NOP9: variants seen among roughly 807,000 people sequenced by gnomAD.
The protein encoded by NOP9 is nucleolar protein 9.
In NOP9, 50 loss-of-function variants were observed where a neutral mutation model predicts 63.0. The ratio of observed to expected loss-of-function variants is 0.79; its 90% CI spans 0.63 to 1.00. The LOEUF is 1.00. NOP9 is among the 50% of genes least tolerant of loss of function. NOP9 has a pLI of 0.00. For synonymous variants in NOP9, 343 were observed against 332.8 expected (o/e 1.03, Z -0.33); for missense variants, 758 against 803.0 (o/e 0.94, Z 0.68).
the NOP9 span, among the ~76,000 whole-genome samples, chr14:24,273,249 G>A: frequency 4.1e-5 from 6 of 147,796 alleles, no homozygotes; most frequent in Non-Finnish European, 8.9e-5. Context: ...CACGATCTCT[G>A]CTTACTGCAA....
Position 24,307,397 on chromosome 14 carries a change from C to T in NOP9, c.*2302C>T. 6.2e-7 allele frequency: 1 copy of T among 1,613,794 alleles called. No individual in the cohort carries two copies. The highest frequency in any genetic ancestry group is 8.5e-7 in the Non-Finnish European group (1 of 1,179,816). On this transcript the variant is annotated 3_prime_UTR_variant, in exon 10 of 10. Coordinates refer to ENST00000267425, the MANE Select transcript of NOP9 (RefSeq NM_174913.3). Reference sequence around the variant, plus strand: ...TTGGCTAGCAGCTCCTGGCGGGTGGCAGCTGTCAGGCCTTTCCGGATGGTC... The same window carrying T: ...TTGGCTAGCAGCTCCTGGCGGGTGGTAGCTGTCAGGCCTTTCCGGATGGTC...
the NOP9 span, among the ~76,000 whole-genome samples, chr14:24,272,211 C>T: frequency 1.1e-4 from 16 of 152,220 alleles, no homozygotes; most frequent in Non-Finnish European, 1.5e-5. Context: ...TTAATTACTA[C>T]CTGTAAATTG....
chr14:24,307,342 A>G lies in NOP9; in HGVS notation c.*2247A>G, dbSNP rs1329593302. On this transcript the variant is annotated 3_prime_UTR_variant, in exon 10 of 10. Coordinates refer to ENST00000267425, the MANE Select transcript of NOP9 (RefSeq NM_174913.3). ...GTGGAGCCCCTTGGCTACCCCTGCT[A>G]TAGGAACCGAGGAACTTGGCCTACT... 5 of 1,600,562 alleles carry G rather than the reference A, an allele frequency of 3.1e-6. No homozygotes were observed. In the South Asian group the frequency reaches 4.5e-5, roughly 14 times the overall value.
chr14:24,305,979 G>C lies in NOP9; in HGVS notation c.*884G>C, dbSNP rs1445850573. 1 of 1,614,020 alleles carries C rather than the reference G, an allele frequency of 6.2e-7. No homozygotes were observed. The highest frequency in any genetic ancestry group is 8.5e-7 in the Non-Finnish European group (1 of 1,180,012). On this transcript the variant is annotated 3_prime_UTR_variant, in exon 10 of 10. Coordinates refer to ENST00000267425, the MANE Select transcript of NOP9 (RefSeq NM_174913.3). Reference sequence around the variant, plus strand: ...CTTTCTTTGGGCCAAGTCCTTGAAAGTCACAACTCATAGAGTAGAGCCCGT... The same window carrying C: ...CTTTCTTTGGGCCAAGTCCTTGAAACTCACAACTCATAGAGTAGAGCCCGT...
At chr14:24,295,237 T>C (rs2041229972), upstream of NOP9, among the ~76,000 whole-genome samples, 3 of 152,134 alleles carry the variant, frequency 2.0e-5, no homozygotes, top group South Asian at 6.2e-4. Flanking sequence ...CTATTAATAG[T>C]AGCTATATAT....
At chr14:24,296,228 G>A (rs989041737), upstream of NOP9, among the ~76,000 whole-genome samples, 1 of 152,228 alleles carries the variant, frequency 6.6e-6, no homozygotes, top group African/African-American at 2.4e-5. Context: ...AGAGGAGGAG[G>A]CTTCCTCCCT....
Position 24,305,463 on chromosome 14 carries a change from G to C in NOP9, c.*368G>C. 2.6e-6 allele frequency: 2 copies of C among 767,578 alleles called. No individual in the cohort carries two copies. Among genetic ancestry groups the C allele is most frequent in the Non-Finnish European group, 4.1e-6 (2 of 488,040 alleles). The allele number at this position is 767,578 out of a possible 1,614,324, so 47.5% of individuals were successfully genotyped here. ...TTCTTCAGGTAAGGGTATAGACTTG[G>C]GATGTGAGGCGTTATGCTGAAAGGT... On this transcript the variant is annotated 3_prime_UTR_variant, in exon 10 of 10. Coordinates refer to ENST00000267425, the MANE Select transcript of NOP9 (RefSeq NM_174913.3).
At chr14:24,291,977 T>C in the NOP9 span, 1 of 675,314 alleles carries the variant, frequency 1.5e-6, no homozygotes, top group African/African-American at 1.8e-5. Flanking sequence ...TCAACAAGTT[T>C]CTAAACCTCT....
Position 24,307,757 on chromosome 14 carries a change from G to C in NOP9, c.*2662G>C. On this transcript the variant is annotated 3_prime_UTR_variant, in exon 10 of 10. Transcript: ENST00000267425. ...GTTAGTCTCCTAGGGGCTGAGTGGA[G>C]TATTGTTGCCCTGCCTATATCCCCT... The C allele has an allele frequency of 6.6e-7, 1 of 1,507,530 alleles. No homozygotes were observed. Among genetic ancestry groups the C allele is most frequent in the Non-Finnish European group, 9.1e-7 (1 of 1,102,616 alleles). The allele number at this position is 1,507,530 out of a possible 1,614,324, so 93.4% of individuals were successfully genotyped here.
In NOP9 at chr14:24,300,204, A is replaced by G. The variant is rs1204851983; in HGVS notation, c.247+3A>G. The G allele has an allele frequency of 6.2e-6, 10 of 1,613,338 alleles. No individual in the cohort carries two copies. Among genetic ancestry groups the G allele is most frequent in the Non-Finnish European group, 8.5e-6 (10 of 1,179,540 alleles). On this transcript the variant is annotated splice_donor_region_variant and intron_variant, in intron 1 of 9. Transcript: ENST00000267425. ...TCCCGAGACTGGGGAAGAACGAGGTAGGCAGCAACTTCGGGGTTTAGACCA... is the reference window on the plus strand; with the variant it reads ...TCCCGAGACTGGGGAAGAACGAGGTGGGCAGCAACTTCGGGGTTTAGACCA...
rs940768849 is a variant in NOP9, at chr14:24,300,248, C to A, written c.247+47C>A. On this transcript the variant is annotated intron_variant, in intron 1 of 9. Coordinates refer to ENST00000267425, the MANE Select transcript of NOP9 (RefSeq NM_174913.3). ...TAGACCAAGAGCATCAAATCCAGGGCAGGCAAGGAAACTTTCTAGGGTCGG... is the reference window on the plus strand; with the variant it reads ...TAGACCAAGAGCATCAAATCCAGGGAAGGCAAGGAAACTTTCTAGGGTCGG... 4 of 1,599,708 alleles carry A rather than the reference C, an allele frequency of 2.5e-6. No individual in the cohort carries two copies. In the African/African-American group the frequency reaches 4.0e-5, roughly 16 times the overall value.
Position 24,307,422 on chromosome 14 carries a change from C to CCGCTTGTGATCACAGACA in NOP9, c.*2330_*2347dup. The CCGCTTGTGATCACAGACA allele has an allele frequency of 6.2e-7, 1 of 1,614,002 alleles. No individual in the cohort carries two copies. The highest frequency in any genetic ancestry group is 8.5e-7 in the Non-Finnish European group (1 of 1,179,962). Reference sequence around the variant, plus strand: ...CAGCTGTCAGGCCTTTCCGGATGGTCCGCTTGTGATCACAGACACGGAAAG... The same window carrying CCGCTTGTGATCACAGACA: ...CAGCTGTCAGGCCTTTCCGGATGGTCCGCTTGTGATCACAGACACGCTTGTGATCACAGACACGGAAAG... On this transcript the variant is annotated 3_prime_UTR_variant, in exon 10 of 10. Coordinates refer to ENST00000267425, the MANE Select transcript of NOP9 (RefSeq NM_174913.3).
At chr14:24,292,433 C>A in the NOP9 span, 1 of 1,538,484 alleles carries the variant, frequency 6.5e-7, no homozygotes, top group Admixed American at 1.9e-5. Context: ...CCTGTCCTTC[C>A]CAGGAGCCCC....
chr14:24,307,987 C>T lies in NOP9; in HGVS notation c.*2892C>T, dbSNP rs1158802478. 2.4e-6 allele frequency: 2 copies of T among 849,834 alleles called. No individual in the cohort carries two copies. The highest frequency in any genetic ancestry group is 3.9e-6 in the Non-Finnish European group (2 of 518,244). The allele number at this position is 849,834 out of a possible 1,614,324, so 52.6% of individuals were successfully genotyped here. ...AGGACAAGGTGGGAATGAGTCAAGC[C>T]TGGACTCTGGCCCCCCTGCCTGGCC... On this transcript the variant is annotated 3_prime_UTR_variant, in exon 10 of 10. Transcript: ENST00000267425.
chr14:24,306,631 T>TTGA lies in NOP9; in HGVS notation c.*1537_*1539dup. On this transcript the variant is annotated 3_prime_UTR_variant, in exon 10 of 10. Transcript: ENST00000267425. ...TCTAGACATTGGTCGATGTCCCACTTTGACTTTCCGGCACTTTGATACCTC... is the reference window on the plus strand; with the variant it reads ...TCTAGACATTGGTCGATGTCCCACTTTGATGACTTTCCGGCACTTTGATACCTC... The TTGA allele has an allele frequency of 6.9e-7, 1 of 1,443,392 alleles. No individual in the cohort carries two copies. Among genetic ancestry groups the TTGA allele is most frequent in the Admixed American group, 1.8e-5 (1 of 54,904 alleles). 89.4% of individuals were successfully genotyped at this position (1,443,392 alleles called of 1,614,324 possible).
chr14:24,273,628 G>A, the NOP9 span, among the ~76,000 whole-genome samples: 1 of 152,266 alleles, frequency 6.6e-6, no homozygotes, highest in East Asian at 1.9e-4. Flanking sequence ...TGTAGTCCCA[G>A]TGAGGAAAGA....
the NOP9 span, among the ~76,000 whole-genome samples, chr14:24,274,866 C>G: frequency 6.6e-6 from 1 of 150,860 alleles, no homozygotes; most frequent in Non-Finnish European, 1.5e-5. Context: ...CCTCGGCCTC[C>G]CAAAGTGCTA....
In NOP9 at chr14:24,304,214, T is replaced by C. The variant is rs2041434094; in HGVS notation, c.1584T>C (p.Asp528=). ...GTCCCGCTGGCTCTCATGTGCTCGA[T>C]GCCATCCTGACCAGCCCCTCTGTGA... The part of the protein sequence containing the change: ...AQSPAGSHVL[D]AILTSPSVTR... Residue 528 remains aspartate (D), a synonymous_variant, in exon 8 of 10, where the codon GAT becomes GAC. Transcript: ENST00000267425. 6.2e-7 allele frequency: 1 copy of C among 1,614,210 alleles called. No homozygotes were observed. Among genetic ancestry groups the C allele is most frequent in the Non-Finnish European group, 8.5e-7 (1 of 1,180,040 alleles).
At chr14:24,292,897 A>G in the NOP9 span, 4 of 1,401,292 alleles carry the variant, frequency 2.9e-6, no homozygotes, top group East Asian at 7.7e-5. Flanking sequence ...TAGGAAGGCT[A>G]CACAGGGTGG....
Sources: gnomAD v4.1 joint callset for allele counts (sites outside exome capture counted in the v4.1 genomes callset) on GRCh38, gnomAD v4.1.1 for gene constraint, MANE v1.5 for transcripts, NCBI Gene and HGNC (gene_info 2026-07-23, HGNC 2026-07-21) for gene names.